Variants in PHF20L1 observed in about 807,000 individuals in gnomAD.
PHF20L1 encodes the protein PHD finger protein 20 like 1.
PHF20L1 carries 44 observed loss-of-function variants against 125.5 expected under a neutral mutation model. The observed-to-expected ratio is 0.35, with a 90% CI of 0.28 to 0.45. The LOEUF (loss-of-function observed/expected upper bound fraction) is 0.45. Ranked by LOEUF, PHF20L1 falls within the 20% of genes least tolerant of loss-of-function variation. The probability of loss-of-function intolerance (pLI) is 1.00; values close to 1 mark genes in which losing one functional copy is unlikely to be tolerated. For synonymous variants in PHF20L1, 380 were observed against 403.1 expected (o/e 0.94, Z 0.69); for missense variants, 1,012 against 1,217.2 (o/e 0.83, Z 2.51).
intron 4 of PHF20L1, among the ~76,000 whole-genome samples, chr8:132,795,255 C>T (rs1222603027): frequency 2.0e-5 from 3 of 152,018 alleles, no homozygotes; most frequent in East Asian, 1.9e-4. Flanking sequence ...TTTACCAGTT[C>T]GAGGATTTCC....
chr8:132,838,904 G>A (rs541935870), intron 17 of PHF20L1, among the ~76,000 whole-genome samples: 1 of 152,258 alleles, frequency 6.6e-6, no homozygotes, highest in South Asian at 2.1e-4. Context: ...ACACCTGGTT[G>A]TAATAGGATC....
intron 12 of PHF20L1, chr8:132,817,840 G>C (rs1162341471): frequency 4.2e-6 from 1 of 239,072 alleles, no homozygotes; most frequent in East Asian, 9.5e-5. Context: ...AATTATTAGA[G>C]CCAAGTATAG....
chr8:132,821,907 A>G (rs1835645760), intron 12 of PHF20L1, among the ~76,000 whole-genome samples: 1 of 151,892 alleles, frequency 6.6e-6, no homozygotes, highest in Non-Finnish European at 1.5e-5. Flanking sequence ...ATGTTCTGGT[A>G]CTTTGGTCAC....
chr8:132,841,700 A>C (rs1225540901), intron 18 of PHF20L1: 1 of 152,074 alleles, frequency 6.6e-6, no homozygotes, highest in East Asian at 1.9e-4. Flanking sequence ...AAGATTGTTG[A>C]TGGGGTTGTA....
chr8:132,814,801 C>G lies in PHF20L1; in HGVS notation c.1095C>G (p.Pro365=). The G allele has an allele frequency of 6.2e-7, 1 of 1,612,204 alleles. No homozygotes were observed. Among genetic ancestry groups the G allele is most frequent in the Non-Finnish European group, 8.5e-7 (1 of 1,178,614 alleles). Residue 365 remains proline, a synonymous_variant, in exon 10 of 21, where the codon CCC becomes CCG. Transcript: ENST00000395386. ...ESGDSSGCIK[P]PKSPLSPELI... is the part of the protein sequence containing the mutation. ...GAGATTCTTCTGGGTGTATAAAACCCCCTAAATCACCACTTTCCCCAGAAT... is the reference window on the plus strand; with the variant it reads ...GAGATTCTTCTGGGTGTATAAAACCGCCTAAATCACCACTTTCCCCAGAAT...
In PHF20L1 at chr8:132,842,784, A is replaced by G; in HGVS notation, c.2657A>G (p.Asp886Gly). 6.2e-7 allele frequency: 1 copy of G among 1,613,242 alleles called. No individual in the cohort carries two copies. Among genetic ancestry groups the G allele is most frequent in the Non-Finnish European group, 8.5e-7 (1 of 1,179,434 alleles). The change falls in exon 19 of 21, where the codon GAT becomes GGT. Residue 886 changes from aspartate to glycine, a missense_variant. Physicochemically the swap from Asp to Gly is moderately conservative, Grantham distance 94 (BLOSUM62 -1). Around this residue, in one of 7 missense-constraint regions of PHF20L1, gnomAD observed 277 missense variants for 283.6 expected, o/e 0.98. Transcript: ENST00000395386. Reference sequence around the variant, plus strand: ...GACCCTGGGAGCTCAGATGATGATGATGTTAGTAGTTTGGAAGAAGAACAA... The same window carrying G: ...GACCCTGGGAGCTCAGATGATGATGGTGTTAGTAGTTTGGAAGAAGAACAA... ...LADPGSSDDD[D>G]VSSLEEEQEF... is the part of the protein sequence containing the mutation.
rs555793083 is a variant in PHF20L1, at chr8:132,799,257, A to G, written c.507+85A>G. 4 of 719,856 alleles carry G rather than the reference A, an allele frequency of 5.6e-6. No homozygotes were observed. In the African/African-American group the frequency reaches 7.2e-5, roughly 13 times the overall value. The allele number at this position is 719,856 out of a possible 1,614,324, so 44.6% of individuals were successfully genotyped here. On this transcript the variant is annotated intron_variant, in intron 6 of 20. Transcript: ENST00000395386. The stretch of plus-strand genomic sequence containing the variant: ...AAAGTTAAAAATTTTTAATATAAAA[A>G]TTTACATTGAGTTCTTATCTTCTTC...
chr8:132,836,239 CTG>C lies in PHF20L1; in HGVS notation c.1910-298_1910-297del, dbSNP rs200343439. The stretch of plus-strand genomic sequence containing the variant: ...TAATGTTTGTGAAAGTGTATGGAAA[CTG>C]TGCAAATTTATTGACATCAGCCTTA... On this transcript the variant is annotated intron_variant, in intron 15 of 20. Coordinates refer to ENST00000395386, the MANE Select transcript of PHF20L1 (RefSeq NM_016018.5). 1,170 of 202,686 alleles carry C rather than the reference CTG, an allele frequency of 5.8e-3. 11 individuals are homozygous for C. The highest frequency in any genetic ancestry group is 0.026 in the African/African-American group (1,102 of 43,094). The allele number at this position is 202,686 out of a possible 1,614,324, so 12.6% of individuals were successfully genotyped here.
rs780399495 is a variant in PHF20L1 at position 132,814,838 on chromosome 8, G to A, written c.1132G>A (p.Glu378Lys). 3.5e-5 allele frequency: 57 copies of A among 1,609,838 alleles called. No individual in the cohort carries two copies. The highest frequency in any genetic ancestry group is 4.6e-5 in the Non-Finnish European group (54 of 1,176,634). The change falls in exon 10 of 21, where the codon GAG becomes AAG. Residue 378 changes from glutamate to lysine, a missense_variant. By Grantham distance (56) the Glu-to-Lys change is moderately conservative. This residue lies in a region of PHF20L1 where 119 missense variants were observed against 160.2 expected (regional missense o/e 0.74). Transcript: ENST00000395386. ...SPLSPELIQV[E>K]DLTLVSQLSS... ...ACTTTCCCCAGAATTAATACAAGTC[G>A]AGGATTTGACGCTTGTATCTCAGCT... is the stretch of plus-strand genomic sequence containing the variant.
intron 4 of PHF20L1, among the ~76,000 whole-genome samples, chr8:132,796,050 TTGAG>T (rs1832351914): frequency 6.6e-6 from 1 of 152,056 alleles, no homozygotes; most frequent in Non-Finnish European, 1.5e-5. Flanking sequence ...GAAACAAACA[TTGAG>T]TGACAGCTTC....
intron 15 of PHF20L1, among the ~76,000 whole-genome samples, chr8:132,834,301 C>G (rs549711007): frequency 6.6e-6 from 1 of 152,150 alleles, no homozygotes; most frequent in East Asian, 1.9e-4. Context: ...GTGAGATACA[C>G]TAATTCCTTT....
At chr8:132,812,777 T>C (rs1406275238) in intron 9 of PHF20L1, 2 of 984,040 alleles carry the variant, frequency 2.0e-6, no homozygotes, top group African/African-American at 3.5e-5. Flanking sequence ...AAAGGAGAGG[T>C]ATTGATTGTT....
intron 2 of PHF20L1, among the ~76,000 whole-genome samples, chr8:132,789,582 TAAAC>T (rs1430608411): frequency 2.6e-5 from 4 of 152,196 alleles, no homozygotes; most frequent in African/African-American, 9.6e-5. Context: ...TTAAGCCAAA[TAAAC>T]AATGAAGAAT....
intron 18 of PHF20L1, among the ~76,000 whole-genome samples, chr8:132,839,858 C>T (rs756141484): frequency 1.3e-5 from 2 of 151,968 alleles, no homozygotes; most frequent in Non-Finnish European, 2.9e-5. Context: ...GTATGCTTAC[C>T]GTATGTGCAA....
At chr8:132,810,346 TTCTG>T (rs755796674) in intron 8 of PHF20L1, 1 of 152,092 alleles carries the variant, frequency 6.6e-6, no homozygotes, top group African/African-American at 2.4e-5. Flanking sequence ...GCCTGGCCTA[TTCTG>T]TCTTTTAAAT....
intron 2 of PHF20L1, among the ~76,000 whole-genome samples, chr8:132,778,520 A>G (rs1426749298): frequency 2.6e-5 from 4 of 152,098 alleles, no homozygotes; most frequent in African/African-American, 9.7e-5. Flanking sequence ...GTCTCCCCCT[A>G]TTCTGGCCAT....
intron 2 of PHF20L1, among the ~76,000 whole-genome samples, chr8:132,791,971 A>C (rs573385537): frequency 1.9e-4 from 29 of 152,362 alleles, no homozygotes; most frequent in African/African-American, 6.7e-4. Flanking sequence ...ATTTGAACTC[A>C]CTTAGATACT....
Position 132,836,696 on chromosome 8 carries a change from A to G in PHF20L1, c.2066A>G (p.Asp689Gly), listed in dbSNP as rs1422309689. ...NEIVRCICEM[D>G]EENGFMIQCE... Reference sequence around the variant, plus strand: ...ATTGTGCGATGTATTTGTGAGATGGATGAGGAGAATGGCTTCATGATCCAG... The same window carrying G: ...ATTGTGCGATGTATTTGTGAGATGGGTGAGGAGAATGGCTTCATGATCCAG... The change falls in exon 16 of 21, where the codon GAT becomes GGT. Residue 689 changes from aspartate (D) to glycine (G), a missense_variant. Coordinates refer to ENST00000395386, the MANE Select transcript of PHF20L1 (RefSeq NM_016018.5). 1 of 1,612,480 alleles carries G rather than the reference A, an allele frequency of 6.2e-7. No individual in the cohort carries two copies. The highest frequency in any genetic ancestry group is 1.1e-5 in the South Asian group (1 of 90,988).
chr8:132,816,690 C>T lies in PHF20L1; in HGVS notation c.1184-198C>T, dbSNP rs552249684. 79 of 461,232 alleles carry T rather than the reference C, an allele frequency of 1.7e-4. 1 individual carries two copies. In the South Asian group the frequency reaches 2.8e-3, roughly 16 times the overall value. The allele number at this position is 461,232 out of a possible 1,614,324, so 28.6% of individuals were successfully genotyped here. On this transcript the variant is annotated intron_variant, in intron 10 of 20. Transcript: ENST00000395386. ...TAGTTCTAGTAGAGTGTAGATTTTA[C>T]AATTTTTGATTGACTCATTTTGAAT...
Sources: gnomAD v4.1 joint callset for allele counts (sites outside exome capture counted in the v4.1 genomes callset) on GRCh38, gnomAD v4.1.1 for gene constraint, gnomAD v4.1.1 regional missense constraint, MANE v1.5 for transcripts, NCBI Gene and HGNC (gene_info 2026-07-23, HGNC 2026-07-21) for gene names.